Variants in ADAM23 observed in about 807,000 individuals in gnomAD.
ADAM23 encodes the protein disintegrin and metalloproteinase domain-containing protein 23.
A neutral mutation model predicts 120.1 loss-of-function variants in ADAM23; 33 were observed. The observed-to-expected ratio is 0.27, with a 90% CI of 0.21 to 0.37. The LOEUF (loss-of-function observed/expected upper bound fraction) is 0.37. Among genes scored for constraint, ADAM23 ranks in the 10% least tolerant of loss-of-function variants. The pLI is 1.00. For missense variants in ADAM23, 862 were observed against 1,058.2 expected, an observed-to-expected ratio of 0.81 and a Z score of 2.57; for synonymous variants, 367 against 375.2, an observed-to-expected ratio of 0.98 and a Z score of 0.25.
chr2:206,508,655 C>CAAA (rs34489352), intron 3 of ADAM23, among the ~76,000 whole-genome samples: 1 of 100,928 alleles, frequency 9.9e-6, no homozygotes. Context: ...ACTCTGTCTC[C>CAAA]AAAAAAAAAA....
At chr2:206,497,057 G>A (rs1002267792) in intron 3 of ADAM23, among the ~76,000 whole-genome samples, 6 of 152,226 alleles carry the variant, frequency 3.9e-5, no homozygotes, top group African/African-American at 9.6e-5. Flanking sequence ...ATTCATAGCC[G>A]AATTCTACCA....
At chr2:206,528,997 A>C (rs1696995957) in intron 3 of ADAM23, among the ~76,000 whole-genome samples, 1 of 152,218 alleles carries the variant, frequency 6.6e-6, no homozygotes, top group African/African-American at 2.4e-5. Context: ...GAGCCCAAAC[A>C]GGAACCTAGA....
At chr2:206,459,680 T>C (rs1161917344) in intron 2 of ADAM23, among the ~76,000 whole-genome samples, 4 of 152,214 alleles carry the variant, frequency 2.6e-5, no homozygotes, top group Non-Finnish European at 2.9e-5. Context: ...GGATGTCTTA[T>C]AGGCAACTCA....
At position 206,617,907 on chromosome 2, in the gene ADAM23, G is replaced by A. The variant is rs978972629; in HGVS notation, c.*280G>A. On this transcript the variant is annotated 3_prime_UTR_variant, in exon 26 of 26. Transcript: ENST00000264377. Reference sequence around the variant, plus strand: ...AGAATCTTTTTTTTCCCTAATGGACGAAGGAACAACACACACACAAAAATT... The same window carrying A: ...AGAATCTTTTTTTTCCCTAATGGACAAAGGAACAACACACACACAAAAATT... 10 of 378,516 alleles carry A rather than the reference G, an allele frequency of 2.6e-5. No individual in the cohort carries two copies. The highest frequency in any genetic ancestry group is 4.8e-5 in the Admixed American group (1 of 20,754). The allele number at this position is 378,516 out of a possible 1,614,324, so 23.4% of individuals were successfully genotyped here.
At chr2:206,509,594 A>G (rs1470648929) in intron 3 of ADAM23, among the ~76,000 whole-genome samples, 1 of 152,082 alleles carries the variant, frequency 6.6e-6, no homozygotes, top group African/African-American at 2.4e-5. Flanking sequence ...GACTACAGGC[A>G]TGCGCCATCA....
chr2:206,569,637 G>T (rs1442157302), intron 15 of ADAM23, among the ~76,000 whole-genome samples: 1 of 152,184 alleles, frequency 6.6e-6, no homozygotes, highest in Non-Finnish European at 1.5e-5. Flanking sequence ...GGTATAAAGT[G>T]CAGGCCATGT....
At chr2:206,588,668 T>A (rs772255161) in intron 20 of ADAM23, among the ~76,000 whole-genome samples, 8 of 152,216 alleles carry the variant, frequency 5.3e-5, no homozygotes, top group Non-Finnish European at 1.0e-4. Flanking sequence ...CCGTAAAAGT[T>A]CACGTGCATA....
At chr2:206,598,965 G>A (rs1698583732) in intron 24 of ADAM23, among the ~76,000 whole-genome samples, 1 of 149,750 alleles carries the variant, frequency 6.7e-6, no homozygotes, top group Non-Finnish European at 1.5e-5. Context: ...AGCACTTTGG[G>A]AGGCCCAGGC....
chr2:206,534,199 C>T lies in ADAM23; in HGVS notation c.573+3251C>T, dbSNP rs184661062. 5.3e-3 allele frequency among the ~76,000 whole-genome samples: 802 copies of T among 152,272 alleles called. 3 individuals carry two copies. The highest frequency in any genetic ancestry group is 6.9e-3 in the Non-Finnish European group (466 of 68,020). On this transcript the variant is annotated intron_variant, in intron 4 of 25. Transcript: ENST00000264377. ...TCTCTCTTTTACCAACCATAGGTAACCACTAATCTATTAATACTTTCTATC... is the reference window on the plus strand; with the variant it reads ...TCTCTCTTTTACCAACCATAGGTAATCACTAATCTATTAATACTTTCTATC...
intron 3 of ADAM23, among the ~76,000 whole-genome samples, chr2:206,507,998 A>C (rs1411110570): frequency 6.6e-6 from 1 of 152,150 alleles, no homozygotes; most frequent in African/African-American, 2.4e-5. Flanking sequence ...AAGAAGAGAC[A>C]AAGAGTTTTT....
rs372244019 is a variant in ADAM23, at chr2:206,619,099, T to G, written c.*1472T>G. 5 of 152,330 alleles carry G rather than the reference T, an allele frequency of 3.3e-5. No individual in the cohort carries two copies. Among genetic ancestry groups the G allele is most frequent in the African/African-American group, 9.6e-5 (4 of 41,586 alleles). 9.4% of individuals were successfully genotyped at this position (152,330 alleles called of 1,614,324 possible). A position where few individuals can be genotyped will look rare whatever the true frequency, so the allele number is the denominator to read the frequency against. ...CCTATTGGAAAAGTGGTAATGGGAATAGAAGGAGCAGTTACCTTTGTATCC... is the reference window on the plus strand; with the variant it reads ...CCTATTGGAAAAGTGGTAATGGGAAGAGAAGGAGCAGTTACCTTTGTATCC... On this transcript the variant is annotated 3_prime_UTR_variant, in exon 26 of 26. Transcript: ENST00000264377.
In ADAM23 at chr2:206,472,327, C is replaced by T. The variant is rs534599636; in HGVS notation, c.433-8905C>T. On this transcript the variant is annotated intron_variant, in intron 2 of 25. Transcript: ENST00000264377. ...ATCTTTTGCATATTTAAGAGTACTT[C>T]GGCTGGGCGAAGTGGCTCATGCCTG... is the stretch of plus-strand genomic sequence containing the variant. 1.4e-4 allele frequency among the ~76,000 whole-genome samples: 22 copies of T among 152,134 alleles called. No individual in the cohort carries two copies. The South Asian group carries it at 4.2e-3, about 29-fold the overall frequency.
Position 206,445,607 on chromosome 2 carries a change from C to A in ADAM23, c.432+83C>A. ...GATTTTCTGCCAGAATCTGAGTTCA[C>A]AAATTTTACTGCAGCATTTTATTAA... is the stretch of plus-strand genomic sequence containing the variant. On this transcript the variant is annotated intron_variant, in intron 2 of 25. Coordinates refer to ENST00000264377, the MANE Select transcript of ADAM23 (RefSeq NM_003812.4). The A allele has an allele frequency of 3.4e-6, 4 of 1,188,866 alleles. 1 individual carries two copies. The South Asian group carries it at 4.4e-5, about 13-fold the overall frequency. 73.6% of individuals were successfully genotyped at this position (1,188,866 alleles called of 1,614,324 possible). A position where few individuals can be genotyped will look rare whatever the true frequency, so the allele number is the denominator to read the frequency against.
At chr2:206,570,852 A>T in intron 16 of ADAM23, 41 bp downstream of exon 16, 1 of 1,555,306 alleles carries the variant, frequency 6.4e-7, no homozygotes, top group Non-Finnish European at 8.9e-7. Flanking sequence ...CACAGATCTT[A>T]CTTGGTGCAA....
intron 18 of ADAM23, among the ~76,000 whole-genome samples, chr2:206,578,433 C>T (rs7609138): frequency 0.72 from 109,596 of 151,562 alleles, 39,888 homozygotes; most frequent in Middle Eastern, 0.74. Context: ...CACATATCAG[C>T]GAGAACATAT....
At chr2:206,539,824 C>A (rs974118060) in intron 4 of ADAM23, among the ~76,000 whole-genome samples, 1 of 152,130 alleles carries the variant, frequency 6.6e-6, no homozygotes, top group Admixed American at 6.5e-5. Flanking sequence ...CCATAGTACT[C>A]TTTAAAAACT....
At chr2:206,521,360 C>G (rs1377990028) in intron 3 of ADAM23, among the ~76,000 whole-genome samples, 3 of 152,064 alleles carry the variant, frequency 2.0e-5, no homozygotes, top group Non-Finnish European at 4.4e-5. Context: ...TTGTGAATGT[C>G]TGTGGTTCCT....
chr2:206,557,742 G>A (rs527625021), intron 10 of ADAM23, among the ~76,000 whole-genome samples: 1 of 152,140 alleles, frequency 6.6e-6, no homozygotes, highest in African/African-American at 2.4e-5. Context: ...ATACATTATT[G>A]CCCCCAGTCT....
intron 2 of ADAM23, among the ~76,000 whole-genome samples, chr2:206,457,192 C>A (rs1695318104): frequency 6.6e-6 from 1 of 152,148 alleles, no homozygotes; most frequent in Non-Finnish European, 1.5e-5. Flanking sequence ...TTCTATGGAA[C>A]CTGAATGGTT....
Sources: gnomAD v4.1 joint callset for allele counts (sites outside exome capture counted in the v4.1 genomes callset) on GRCh38, gnomAD v4.1.1 for gene constraint, MANE v1.5 for transcripts, NCBI Gene and HGNC (gene_info 2026-07-23, HGNC 2026-07-21) for gene names.